The following GRM8 variants were observed in gnomAD, a reference collection of about 807,000 sequenced individuals.
GRM8 encodes metabotropic glutamate receptor 8.
GRM8 carries 47 observed loss-of-function variants against 87.2 expected under a neutral mutation model. The ratio of observed to expected loss-of-function variants is 0.54; its 90% CI spans 0.43 to 0.69. The LOEUF (loss-of-function observed/expected upper bound fraction) is 0.69. Among genes scored for constraint, GRM8 ranks in the 30% least tolerant of loss-of-function variants. GRM8 has a pLI of 0.00. For synonymous variants in GRM8, 396 were observed against 404.5 expected, an observed-to-expected ratio of 0.98 and a Z score of 0.25; for missense variants, 1,019 against 1,139.2, an observed-to-expected ratio of 0.89 and a Z score of 1.52.
chr7:127,247,086 A>T (rs1323088887), intron 1 of GRM8, among the ~76,000 whole-genome samples: 1 of 152,224 alleles, frequency 6.6e-6, no homozygotes, highest in African/African-American at 2.4e-5. Flanking sequence ...TTCAATGCTT[A>T]GCTCTGGAAG....
At chr7:127,034,773 G>A (rs1193523280) in intron 3 of GRM8, among the ~76,000 whole-genome samples, 1 of 152,144 alleles carries the variant, frequency 6.6e-6, no homozygotes, top group African/African-American at 2.4e-5. Context: ...CATTGCTGTA[G>A]AGTAGATCAT....
intron 3 of GRM8, among the ~76,000 whole-genome samples, chr7:127,098,620 A>G (rs1824908841): frequency 6.6e-6 from 1 of 152,172 alleles, no homozygotes; most frequent in Non-Finnish European, 1.5e-5. Context: ...GTCATTTTAT[A>G]TACACAAAAA....
intron 3 of GRM8, among the ~76,000 whole-genome samples, chr7:127,003,657 A>T (rs569885011): frequency 6.6e-6 from 1 of 151,898 alleles, no homozygotes; most frequent in African/African-American, 2.4e-5. Flanking sequence ...ATGAAGAGGT[A>T]ACACGTCAAA....
At chr7:126,893,946 A>G (rs1462768901) in intron 6 of GRM8, among the ~76,000 whole-genome samples, 4 of 152,008 alleles carry the variant, frequency 2.6e-5, no homozygotes, top group Non-Finnish European at 5.9e-5. Flanking sequence ...AAGTTGTGGT[A>G]ATTCTCTTGT....
At chr7:127,149,084 C>A (rs960459084) in intron 2 of GRM8, among the ~76,000 whole-genome samples, 6 of 151,738 alleles carry the variant, frequency 4.0e-5, no homozygotes, top group African/African-American at 1.5e-4. Context: ...GAGACTACAT[C>A]AAACTAAAAA....
intron 6 of GRM8, among the ~76,000 whole-genome samples, chr7:126,832,645 C>A (rs575444418): frequency 6.6e-6 from 1 of 152,276 alleles, no homozygotes; most frequent in South Asian, 2.1e-4. Flanking sequence ...ACTACTGTTA[C>A]AAAAAGGGAT....
intron 7 of GRM8, among the ~76,000 whole-genome samples, chr7:126,708,796 GGGGCT>G: frequency 6.6e-6 from 1 of 152,110 alleles, no homozygotes; most frequent in Non-Finnish European, 1.5e-5. Flanking sequence ...GGTTACACCA[GGGGCT>G]GGAATACTTG....
chr7:126,743,354 T>C (rs1815233280), intron 7 of GRM8, among the ~76,000 whole-genome samples: 1 of 152,156 alleles, frequency 6.6e-6, no homozygotes, highest in Non-Finnish European at 1.5e-5. Flanking sequence ...TATAAGGTAA[T>C]GTCTCAGGAA....
chr7:127,134,928 T>A (rs1450728705), intron 2 of GRM8, among the ~76,000 whole-genome samples: 1 of 152,140 alleles, frequency 6.6e-6, no homozygotes, highest in Non-Finnish European at 1.5e-5. Flanking sequence ...AAACAATTTT[T>A]AAAAATGTAT....
At chr7:127,105,218 G>T (rs1250050576) in intron 3 of GRM8, 1 of 152,130 alleles carries the variant, frequency 6.6e-6, no homozygotes, top group African/African-American at 2.4e-5. Context: ...AAGACCAATT[G>T]AATGTTTTGA....
chr7:126,478,211 T>G (rs1010195564), intron 9 of GRM8, among the ~76,000 whole-genome samples: 4 of 152,166 alleles, frequency 2.6e-5, no homozygotes, highest in African/African-American at 7.2e-5. Flanking sequence ...ATTATTAATC[T>G]CATCCCTTGC....
At chr7:127,037,776 G>A (rs1817981353) in intron 3 of GRM8, among the ~76,000 whole-genome samples, 1 of 151,992 alleles carries the variant, frequency 6.6e-6, no homozygotes, top group South Asian at 2.1e-4. Flanking sequence ...ATCACAAGGA[G>A]TCATAGCTAG....
Position 127,026,950 on chromosome 7 carries a change from C to T in GRM8, c.727+79546G>A, listed in dbSNP as rs546913243. On this transcript the variant is annotated intron_variant, in intron 3 of 10. Transcript: ENST00000339582. The stretch of plus-strand genomic sequence containing the variant: ...ATGGTATTGTCTAGGTTTTCTTCTA[C>T]GGTTTTTATGGTTTTAGGTCTTACA... Among the ~76,000 whole-genome samples the T allele has an allele frequency of 1.1e-3, 171 of 152,042 alleles. 1 individual carries two copies. The highest frequency in any genetic ancestry group is 3.8e-3 in the African/African-American group (159 of 41,500).
At chr7:126,764,046 GAA>G (rs1275080484) in intron 7 of GRM8, among the ~76,000 whole-genome samples, 1 of 151,812 alleles carries the variant, frequency 6.6e-6, no homozygotes, top group African/African-American at 2.4e-5. Flanking sequence ...ATACTATGTA[GAA>G]AAGTCTTAAT....
At chr7:126,962,690 C>T (rs192830059) in intron 3 of GRM8, among the ~76,000 whole-genome samples, 20 of 152,264 alleles carry the variant, frequency 1.3e-4, no homozygotes, top group African/African-American at 4.8e-4. Flanking sequence ...TTGCTCAAAA[C>T]ACTTAACATT....
chr7:126,985,702 C>T (rs1020804196), intron 3 of GRM8, among the ~76,000 whole-genome samples: 2 of 152,150 alleles, frequency 1.3e-5, no homozygotes, highest in Non-Finnish European at 2.9e-5. Context: ...CATGCTTACT[C>T]AGGTCTCTCT....
intron 6 of GRM8, among the ~76,000 whole-genome samples, chr7:126,862,540 T>C (rs1012769665): frequency 6.6e-6 from 1 of 152,054 alleles, no homozygotes; most frequent in African/African-American, 2.4e-5. Flanking sequence ...ATACTTTTCT[T>C]AACTTTATTG....
At chr7:126,653,741 G>A (rs937898108) in intron 7 of GRM8, among the ~76,000 whole-genome samples, 2 of 152,146 alleles carry the variant, frequency 1.3e-5, no homozygotes, top group African/African-American at 4.8e-5. Flanking sequence ...AATACTCTGG[G>A]TATTTGTTTT....
chr7:127,082,910 C>T (rs995496254), intron 3 of GRM8, among the ~76,000 whole-genome samples: 5 of 152,162 alleles, frequency 3.3e-5, no homozygotes, highest in Admixed American at 6.5e-5. Flanking sequence ...AGTGCCAGAG[C>T]GGGATCGGAA....
Sources: gnomAD v4.1 joint callset for allele counts (sites outside exome capture counted in the v4.1 genomes callset) on GRCh38, gnomAD v4.1.1 for gene constraint, MANE v1.5 for transcripts, NCBI Gene and HGNC (gene_info 2026-07-23, HGNC 2026-07-21) for gene names.